The following PPP4R3B variants were observed in gnomAD, a reference collection of about 807,000 sequenced individuals.
PPP4R3B encodes protein phosphatase 4 regulatory subunit 3B, also known as serine/threonine-protein phosphatase 4 regulatory subunit 3B.
PPP4R3B carries 52 observed loss-of-function variants against 95.4 expected under a neutral mutation model. That is an observed-to-expected ratio of 0.54 (90% CI 0.44 to 0.69). The LOEUF is 0.69. Among genes scored for constraint, PPP4R3B ranks in the 30% least tolerant of loss-of-function variants. The pLI, the probability that PPP4R3B is intolerant of heterozygous loss-of-function variation, is 0.00. For missense variants in PPP4R3B, 1,003 were observed against 1,005.9 expected (o/e 1.00, Z 0.04); for synonymous variants, 407 against 343.9 (o/e 1.18, Z -2.03).
At chr2:55,610,722 G>A (rs1435217087) in intron 2 of PPP4R3B, among the ~76,000 whole-genome samples, 5 of 152,140 alleles carry the variant, frequency 3.3e-5, no homozygotes, top group Non-Finnish European at 7.4e-5. Context: ...GAAGACTGTG[G>A]TAAAACACTG....
At chr2:55,615,862 A>AAAAAAAAAAAAAAAAAAAAAAAC (rs1694837568) in intron 1 of PPP4R3B, among the ~76,000 whole-genome samples, 1 of 133,770 alleles carries the variant, frequency 7.5e-6, no homozygotes, top group African/African-American at 2.8e-5. Context: ...GTCTCCAAAA[A>AAAAAAAAAAAAAAAAAAAAAAAC]AAAAAAAAAA....
intron 2 of PPP4R3B, among the ~76,000 whole-genome samples, chr2:55,611,005 A>G (rs1012457960): frequency 6.6e-6 from 1 of 151,948 alleles, no homozygotes; most frequent in African/African-American, 2.4e-5. Context: ...AGCTGGGACT[A>G]CAGGTGTGTG....
intron 12 of PPP4R3B, among the ~76,000 whole-genome samples, chr2:55,571,347 C>T (rs1447842850): frequency 6.6e-6 from 1 of 151,994 alleles, no homozygotes; most frequent in Non-Finnish European, 1.5e-5. Flanking sequence ...TGACATGTTC[C>T]TATTAAGGGA....
intron 11 of PPP4R3B, 148 bp downstream of exon 11, chr2:55,577,167 G>C: frequency 4.1e-6 from 4 of 967,528 alleles, no homozygotes; most frequent in South Asian, 2.4e-5. Context: ...TAATATTGGA[G>C]ATAGTGGAAT....
At chr2:55,610,694 C>G (rs997231961) in intron 2 of PPP4R3B, among the ~76,000 whole-genome samples, 2 of 152,154 alleles carry the variant, frequency 1.3e-5, no homozygotes, top group Non-Finnish European at 2.9e-5. Flanking sequence ...GTGTGAAATG[C>G]TTTCACGGGC....
chr2:55,615,594 G>C, intron 1 of PPP4R3B, 88 bp from the exon 2 acceptor site: 5 of 863,424 alleles, frequency 5.8e-6, no homozygotes, highest in Non-Finnish European at 9.0e-6. Context: ...GGGCGCAGTG[G>C]CTCACGTCTG....
rs1000320031 is a variant in PPP4R3B at position 55,578,305 on chromosome 2, G to A, written c.1506C>T (p.Phe502=). 7.6e-6 allele frequency: 11 copies of A among 1,454,214 alleles called. No individual in the cohort carries two copies. The highest frequency in any genetic ancestry group is 1.6e-5 in the South Asian group (1 of 62,708). 90.1% of individuals were successfully genotyped at this position (1,454,214 alleles called of 1,614,324 possible). ...FLKHYRYSWS[F]ICTPSHSHSH... ...AATGGGAATGTGAAGGGGTACATAT[G>A]AAACTCCAACTATATCTGTAATGTT... The change falls in exon 10 of 17, where the codon TTC becomes TTT. Residue 502 remains phenylalanine (F), a synonymous_variant. Transcript: ENST00000616407.
rs374696418 is a variant in PPP4R3B at position 55,579,659 on chromosome 2, G to C, written c.1468+20C>G. On this transcript the variant is annotated intron_variant, in intron 9 of 16. Coordinates refer to ENST00000616407, the MANE Select transcript of PPP4R3B (RefSeq NM_001122964.3). ...TTCTTTAAAAACAGAAATCACAGCA[G>C]ATAAATAAAGAGACCCTACCCTTTT... The C allele has an allele frequency of 2.3e-5, 34 of 1,474,236 alleles. 1 individual carries two copies. The highest frequency in any genetic ancestry group is 3.1e-5 in the Non-Finnish European group (34 of 1,101,254). The allele number at this position is 1,474,236 out of a possible 1,614,324, so 91.3% of individuals were successfully genotyped here.
In PPP4R3B at chr2:55,548,788, C is replaced by T. The variant is rs1291711597; in HGVS notation, c.*1123G>A. On this transcript the variant is annotated 3_prime_UTR_variant, in exon 17 of 17. Transcript: ENST00000616407. The stretch of plus-strand genomic sequence containing the variant: ...GAGCAAACTAACATTAAAATATTTA[C>T]AGTTAACTTGTTGCTCTAAAAATAA... 2.0e-5 allele frequency: 3 copies of T among 152,588 alleles called. No individual in the cohort carries two copies. The highest frequency in any genetic ancestry group is 1.3e-4 in the Admixed American group (2 of 15,270). 9.5% of individuals were successfully genotyped at this position (152,588 alleles called of 1,614,324 possible).
chr2:55,560,903 G>A (rs1227105321), intron 15 of PPP4R3B, among the ~76,000 whole-genome samples: 2 of 151,576 alleles, frequency 1.3e-5, no homozygotes, highest in African/African-American at 4.8e-5. Context: ...AGGGAGCAGA[G>A]CATAAAGTTT....
At chr2:55,582,307 G>A (rs1344554803) in intron 7 of PPP4R3B, among the ~76,000 whole-genome samples, 1 of 152,054 alleles carries the variant, frequency 6.6e-6, no homozygotes, top group African/African-American at 2.4e-5. Context: ...CTCTTGCCCA[G>A]GCTGGAGTGC....
chr2:55,595,373 T>C (rs1470371718), intron 4 of PPP4R3B, among the ~76,000 whole-genome samples: 1 of 151,842 alleles, frequency 6.6e-6, no homozygotes, highest in Non-Finnish European at 1.5e-5. Flanking sequence ...CTCATATCTA[T>C]AATCTCAGCA....
intron 4 of PPP4R3B, among the ~76,000 whole-genome samples, chr2:55,591,278 G>T (rs747566112): frequency 2.6e-5 from 4 of 150,992 alleles, no homozygotes; most frequent in Admixed American, 6.6e-5. Flanking sequence ...CAGAGACTGC[G>T]GGCACGTGCC....
intron 4 of PPP4R3B, among the ~76,000 whole-genome samples, chr2:55,596,813 A>C (rs1691843173): frequency 6.6e-6 from 1 of 152,064 alleles, no homozygotes; most frequent in Non-Finnish European, 1.5e-5. Context: ...AAATACAAAA[A>C]ATTAGTCGAG....
intron 4 of PPP4R3B, among the ~76,000 whole-genome samples, chr2:55,593,524 C>A (rs1691324665): frequency 6.6e-6 from 1 of 152,034 alleles, no homozygotes; most frequent in African/African-American, 2.4e-5. Flanking sequence ...TACTAGATAC[C>A]CAGATAGGTA....
rs748317352 is a variant in PPP4R3B at position 55,558,776 on chromosome 2, T to C, written c.2453A>G (p.Lys818Arg). The change falls in exon 16 of 17, where the codon AAG becomes AGG. Residue 818 changes from lysine (K) to arginine (R), a missense_variant and splice_region_variant. Around this residue, in one of 3 missense-constraint regions of PPP4R3B, gnomAD observed 229 missense variants for 194.7 expected, o/e 1.18. Coordinates refer to ENST00000616407, the MANE Select transcript of PPP4R3B (RefSeq NM_001122964.3). ...TGTGTGTAATGCTGTTTCACCTACC[T>C]TGGTGGCTGTTACTGACGTAGGCAA... ...TNLPTSVTAT[K>R]GSLVGLVDYP... is the part of the protein sequence containing the mutation. 1 of 1,601,618 alleles carries C rather than the reference T, an allele frequency of 6.2e-7. No individual in the cohort carries two copies. Among genetic ancestry groups the C allele is most frequent in the Non-Finnish European group, 8.5e-7 (1 of 1,172,120 alleles).
chr2:55,565,508 A>G (rs928659905), intron 13 of PPP4R3B, among the ~76,000 whole-genome samples: 1 of 152,094 alleles, frequency 6.6e-6, no homozygotes, highest in Non-Finnish European at 1.5e-5. Flanking sequence ...TTAAAATTAC[A>G]TTTTCAAAAT....
At chr2:55,576,810 C>G (rs1007324946) in intron 11 of PPP4R3B, among the ~76,000 whole-genome samples, 3 of 152,230 alleles carry the variant, frequency 2.0e-5, no homozygotes, top group Admixed American at 1.3e-4. Flanking sequence ...AGTCCAATCT[C>G]TAAACAGCCT....
rs751993493 is a variant in PPP4R3B at position 55,598,761 on chromosome 2, G to C, written c.576C>G (p.His192Gln). 4 of 1,614,214 alleles carry C rather than the reference G, an allele frequency of 2.5e-6. No homozygotes were observed. The highest frequency in any genetic ancestry group is 2.5e-6 in the Non-Finnish European group (3 of 1,180,040). The change falls in exon 4 of 17, where the codon CAC (histidine) becomes CAG (glutamine). Residue 192 changes from histidine to glutamine, a missense_variant. This residue lies in a region of PPP4R3B where 695 missense variants were observed against 686.2 expected (regional missense o/e 1.01). Transcript: ENST00000616407. The part of the protein sequence containing the change: ...CENLENTEGL[H>Q]HLYEIIRGIL... ...TTCCTCTAATAATTTCATACAAATG[G>C]TGTAAGCCTTCAGTGTTTTCTAGGT...
Sources: allele counts gnomAD v4.1 joint callset (sites outside exome capture counted in the v4.1 genomes callset), GRCh38; gene constraint gnomAD v4.1.1; regional missense constraint gnomAD v4.1.1; transcripts MANE v1.5; gene names NCBI Gene and HGNC (gene_info 2026-07-23, HGNC 2026-07-21).